CSMD1: variants seen among roughly 807,000 people sequenced by gnomAD.
The protein encoded by CSMD1 is CUB and Sushi multiple domains 1.
In CSMD1, 213 loss-of-function variants were observed where a neutral mutation model predicts 417.5. That is an observed-to-expected ratio of 0.51 (90% CI 0.46 to 0.57). The LOEUF (loss-of-function observed/expected upper bound fraction) is 0.57, where lower values mean the gene tolerates loss of function less well. Ranked by LOEUF, CSMD1 falls within the 20% of genes least tolerant of loss-of-function variation. The pLI is 0.00. For missense variants in CSMD1, 6,923 were observed against 4,529.7 expected (o/e 1.53, Z -15.17); for synonymous variants, 2,862 against 1,736.8 (o/e 1.65, Z -16.11).
At chr8:3,092,832 C>T (rs964476880) in intron 47 of CSMD1, among the ~76,000 whole-genome samples, 9 of 152,142 alleles carry the variant, frequency 5.9e-5, no homozygotes, top group African/African-American at 1.2e-4. Context: ...CTCGTAAAAG[C>T]GTTCATGGCA....
intron 5 of CSMD1, among the ~76,000 whole-genome samples, chr8:3,879,211 C>T (rs532647894): frequency 5.1e-4 from 78 of 152,188 alleles, no homozygotes; most frequent in African/African-American, 1.8e-3. Flanking sequence ...TAGAAATATA[C>T]AGGTATGTAT....
chr8:4,032,486 G>A (rs1797399992), intron 3 of CSMD1, among the ~76,000 whole-genome samples: 1 of 152,148 alleles, frequency 6.6e-6, no homozygotes, highest in South Asian at 2.1e-4. Flanking sequence ...TAAAACAGTG[G>A]CATAAGAAAT....
chr8:4,428,424 T>C (rs1797686889), intron 2 of CSMD1, among the ~76,000 whole-genome samples: 1 of 152,212 alleles, frequency 6.6e-6, no homozygotes, highest in Non-Finnish European at 1.5e-5. Context: ...CCTAAATGAT[T>C]TGCTAATGCA....
Position 4,343,935 on chromosome 8 carries a change from T to A in CSMD1, c.415+76018A>T, listed in dbSNP as rs1304463973. On this transcript the variant is annotated intron_variant, in intron 3 of 69. Coordinates refer to ENST00000635120, the MANE Select transcript of CSMD1 (RefSeq NM_033225.6). The stretch of plus-strand genomic sequence containing the variant: ...TTAAATACTGCCAAGAGAAGTGTTT[T>A]AAAAATTATAATAAGTATTTTCATA... 2.0e-5 allele frequency among the ~76,000 whole-genome samples: 3 copies of A among 152,240 alleles called. No homozygotes were observed. In the East Asian group the frequency reaches 5.8e-4, roughly 29 times the overall value.
rs141993430 is a variant in CSMD1 at position 3,495,868 on chromosome 8, G to A, written c.1345-2142C>T. Among the ~76,000 whole-genome samples the A allele has an allele frequency of 5.9e-3, 899 of 152,226 alleles. 11 individuals carry two copies. The highest frequency in any genetic ancestry group is 0.021 in the African/African-American group (862 of 41,554). ...CATGGACTCCCTCAGCTGTCCTGGAGCTGGATGCTCCATATTTCTTTTTTT... is the reference window on the plus strand; with the variant it reads ...CATGGACTCCCTCAGCTGTCCTGGAACTGGATGCTCCATATTTCTTTTTTT... On this transcript the variant is annotated intron_variant, in intron 10 of 69. Coordinates refer to ENST00000635120, the MANE Select transcript of CSMD1 (RefSeq NM_033225.6).
chr8:3,051,490 G>A (rs763256200), intron 50 of CSMD1, among the ~76,000 whole-genome samples: 1 of 152,086 alleles, frequency 6.6e-6, no homozygotes, highest in Non-Finnish European at 1.5e-5. Flanking sequence ...CTGTCTCTTG[G>A]GTACTATGGT....
At chr8:4,986,812 A>G (rs567920230) in intron 1 of CSMD1, among the ~76,000 whole-genome samples, 30 of 152,294 alleles carry the variant, frequency 2.0e-4, no homozygotes, top group African/African-American at 7.0e-4. Context: ...TAATTGCACA[A>G]TTTCATAGTA....
chr8:4,439,354 G>C (rs66480013), intron 2 of CSMD1, among the ~76,000 whole-genome samples: 23,083 of 152,076 alleles, frequency 0.15, 2,244 homozygotes, highest in Admixed American at 0.25. Context: ...TAAAGAAATT[G>C]TGAGATATTA....
At chr8:3,261,918 T>C (rs1287175124) in intron 26 of CSMD1, among the ~76,000 whole-genome samples, 1 of 151,944 alleles carries the variant, frequency 6.6e-6, no homozygotes, top group Non-Finnish European at 1.5e-5. Context: ...GGGGGAAATG[T>C]CCTACTTATT....
chr8:4,954,303 G>A (rs1460810984), intron 1 of CSMD1, among the ~76,000 whole-genome samples: 2 of 152,094 alleles, frequency 1.3e-5, no homozygotes, highest in Non-Finnish European at 2.9e-5. Flanking sequence ...CAAATAACAG[G>A]TTTTAAATAA....
intron 1 of CSMD1, among the ~76,000 whole-genome samples, chr8:4,870,425 C>T (rs976509265): frequency 2.0e-5 from 3 of 152,140 alleles, no homozygotes; most frequent in Admixed American, 6.5e-5. Context: ...TTAAAGGATG[C>T]ATAGTATTCC....
intron 50 of CSMD1, among the ~76,000 whole-genome samples, chr8:3,033,164 A>T (rs10112717): frequency 0.55 from 83,831 of 151,850 alleles, 23,590 homozygotes; most frequent in Non-Finnish European, 0.58. Flanking sequence ...ATAACACTTA[A>T]CTGTACCAAA....
At chr8:3,477,955 G>C (rs191736240) in intron 11 of CSMD1, among the ~76,000 whole-genome samples, 14 of 152,294 alleles carry the variant, frequency 9.2e-5, no homozygotes. Context: ...AATAAGTCAA[G>C]GGAGTGCTTT....
chr8:3,889,557 GTC>G (rs61509587), intron 5 of CSMD1, among the ~76,000 whole-genome samples: 64,409 of 122,990 alleles, frequency 0.52, 20,421 homozygotes, highest in Admixed American at 0.67. Context: ...GTATATGTGT[GTC>G]TGTGTGTGTG....
chr8:3,327,171 C>T (rs1401644883), intron 23 of CSMD1, among the ~76,000 whole-genome samples: 1 of 150,234 alleles, frequency 6.7e-6, no homozygotes, highest in African/African-American at 2.5e-5. Context: ...GAAAGAGACT[C>T]TCTCTGTCAC....
At chr8:3,553,052 A>C in intron 10 of CSMD1, among the ~76,000 whole-genome samples, 1 of 152,102 alleles carries the variant, frequency 6.6e-6, no homozygotes, top group South Asian at 2.1e-4. Context: ...AGAGTTCAAT[A>C]TATTCAAGCA....
At chr8:4,723,436 T>G (rs1401101079) in intron 1 of CSMD1, among the ~76,000 whole-genome samples, 1 of 152,136 alleles carries the variant, frequency 6.6e-6, no homozygotes, top group Non-Finnish European at 1.5e-5. Context: ...TACATAATAA[T>G]GTGAAATATA....
intron 27 of CSMD1, among the ~76,000 whole-genome samples, chr8:3,224,376 A>C (rs992606975): frequency 1.3e-5 from 2 of 152,210 alleles, no homozygotes; most frequent in Admixed American, 6.5e-5. Flanking sequence ...TCATTGTTTT[A>C]TCCCAAACGT....
chr8:3,060,116 C>G (rs1235906083), intron 49 of CSMD1, among the ~76,000 whole-genome samples: 1 of 151,406 alleles, frequency 6.6e-6, no homozygotes, highest in Non-Finnish European at 1.5e-5. Flanking sequence ...ATAGCTAAGA[C>G]TATACATTGA....
Sources: allele counts gnomAD v4.1 joint callset (sites outside exome capture counted in the v4.1 genomes callset), GRCh38; gene constraint gnomAD v4.1.1; transcripts MANE v1.5; gene names NCBI Gene and HGNC (gene_info 2026-07-23, HGNC 2026-07-21).